The following CTNNA3 variants were observed in gnomAD, a reference collection of about 807,000 sequenced individuals.
CTNNA3 encodes catenin alpha-3.
Under a neutral mutation model 95.7 loss-of-function variants are expected in CTNNA3, and 76 were observed. The observed-to-expected ratio is 0.79, with a 90% CI of 0.66 to 0.96. The LOEUF is 0.96. Among genes scored for constraint, CTNNA3 ranks in the 40% least tolerant of loss-of-function variants. The probability of loss-of-function intolerance (pLI) is 0.00; values close to 1 mark genes in which losing one functional copy is unlikely to be tolerated. For missense variants in CTNNA3, 1,191 were observed against 1,089.8 expected (o/e 1.09, Z -1.31); for synonymous variants, 431 against 374.4 (o/e 1.15, Z -1.74).
In CTNNA3 at chr10:66,692,730, C is replaced by A. The variant is rs1045991269; in HGVS notation, c.1282-70946G>T. On this transcript the variant is annotated intron_variant, in intron 9 of 17. Transcript: ENST00000433211. ...CCAGAGAGAAAGGTCGGGTTACCCA[C>A]AAAGAGAAGACCATCAGACTAACAG... Among the ~76,000 whole-genome samples the A allele has an allele frequency of 5.3e-5, 8 of 152,074 alleles. No individual in the cohort carries two copies. The East Asian group carries it at 7.7e-4, about 15-fold the overall frequency.
At chr10:66,856,434 G>T (rs1353303629) in intron 7 of CTNNA3, among the ~76,000 whole-genome samples, 1 of 152,024 alleles carries the variant, frequency 6.6e-6, no homozygotes, top group Non-Finnish European at 1.5e-5. Context: ...AACCAATAAT[G>T]AGATTGTTGG....
At chr10:66,557,595 C>T (rs1299968666) in intron 10 of CTNNA3, among the ~76,000 whole-genome samples, 1 of 152,064 alleles carries the variant, frequency 6.6e-6, no homozygotes, top group East Asian at 1.9e-4. Context: ...ATTTTTGTTT[C>T]TCTCAATATC....
chr10:66,486,451 A>T (rs577721892), intron 11 of CTNNA3, among the ~76,000 whole-genome samples: 8 of 152,274 alleles, frequency 5.3e-5, no homozygotes, highest in Non-Finnish European at 8.8e-5. Flanking sequence ...AGAATGCTCA[A>T]CATCACTAAT....
At chr10:66,234,196 C>A (rs548109737) in intron 13 of CTNNA3, among the ~76,000 whole-genome samples, 1 of 152,130 alleles carries the variant, frequency 6.6e-6, no homozygotes, top group East Asian at 1.9e-4. Context: ...TATATAAAGT[C>A]ATTTATATTT....
intron 10 of CTNNA3, among the ~76,000 whole-genome samples, chr10:66,608,446 CTA>C (rs1162915552): frequency 6.6e-6 from 1 of 151,960 alleles, no homozygotes; most frequent in African/African-American, 2.4e-5. Flanking sequence ...ATAAAAAAAA[CTA>C]TTTTAAAATT....
chr10:66,448,689 AG>A (rs1002538351), intron 11 of CTNNA3, among the ~76,000 whole-genome samples: 13 of 113,064 alleles, frequency 1.1e-4, no homozygotes, highest in African/African-American at 3.7e-4. Context: ...GGGTGGGGGA[AG>A]GGGGGTGGGA....
intron 12 of CTNNA3, among the ~76,000 whole-genome samples, chr10:66,357,742 T>C (rs1321250765): frequency 6.6e-6 from 1 of 152,174 alleles, no homozygotes; most frequent in Non-Finnish European, 1.5e-5. Context: ...CTATTAATAA[T>C]GATGCTATAA....
At chr10:66,158,423 TTA>T (rs1361838939) in intron 13 of CTNNA3, among the ~76,000 whole-genome samples, 1 of 151,982 alleles carries the variant, frequency 6.6e-6, no homozygotes, top group Non-Finnish European at 1.5e-5. Flanking sequence ...TTTCCCCACT[TTA>T]TGTTTTTGTT....
intron 12 of CTNNA3, among the ~76,000 whole-genome samples, chr10:66,331,519 A>G (rs1021281338): frequency 1.3e-5 from 2 of 151,072 alleles, no homozygotes; most frequent in African/African-American, 4.9e-5. Flanking sequence ...ATGCCCGGCT[A>G]ATTTTTGTAT....
intron 7 of CTNNA3, among the ~76,000 whole-genome samples, chr10:66,943,177 G>T (rs1264147761): frequency 6.6e-6 from 1 of 152,148 alleles, no homozygotes; most frequent in East Asian, 1.9e-4. Context: ...TCTTTTTAAA[G>T]ACTTTGAAAA....
chr10:67,270,925 A>G (rs1838947756), intron 5 of CTNNA3, among the ~76,000 whole-genome samples: 2 of 152,164 alleles, frequency 1.3e-5, no homozygotes, highest in African/African-American at 4.8e-5. Context: ...ATTTGAACCT[A>G]TTTTCAAATG....
At chr10:66,164,427 T>C (rs1434658184) in intron 13 of CTNNA3, among the ~76,000 whole-genome samples, 2 of 152,174 alleles carry the variant, frequency 1.3e-5, no homozygotes, top group Admixed American at 6.5e-5. Flanking sequence ...CAAAGTGTCC[T>C]GTTCTCCTGG....
intron 7 of CTNNA3, among the ~76,000 whole-genome samples, chr10:66,802,511 A>G (rs1841469398): frequency 6.6e-6 from 1 of 151,870 alleles, no homozygotes; most frequent in African/African-American, 2.4e-5. Context: ...AAGGATGTGG[A>G]ACAATTTGGA....
intron 17 of CTNNA3, among the ~76,000 whole-genome samples, chr10:65,949,118 T>C (rs2077570250): frequency 1.3e-5 from 2 of 152,336 alleles, no homozygotes; most frequent in South Asian, 4.1e-4. Context: ...GCTTGTCTTT[T>C]CTTTCTGGCT....
intron 13 of CTNNA3, among the ~76,000 whole-genome samples, chr10:66,276,144 C>A (rs1279702055): frequency 6.6e-6 from 1 of 152,052 alleles, no homozygotes; most frequent in Non-Finnish European, 1.5e-5. Context: ...AAAATATGTT[C>A]CTATTCCCTG....
At chr10:66,414,754 C>T (rs542048245) in intron 11 of CTNNA3, among the ~76,000 whole-genome samples, 15 of 152,198 alleles carry the variant, frequency 9.9e-5, no homozygotes, top group Middle Eastern at 3.4e-3. Context: ...CACAAGTGAC[C>T]TTGGGCCACT....
At chr10:66,063,153 A>G (rs1402057963) in intron 15 of CTNNA3, among the ~76,000 whole-genome samples, 1 of 150,448 alleles carries the variant, frequency 6.6e-6, no homozygotes, top group Non-Finnish European at 1.5e-5. Flanking sequence ...CCTTCTTAGT[A>G]GTTTCAGTTC....
At chr10:66,427,469 A>G (rs369744161) in intron 11 of CTNNA3, among the ~76,000 whole-genome samples, 1 of 152,094 alleles carries the variant, frequency 6.6e-6, no homozygotes. Context: ...ACTTCAAACT[A>G]TACAGTAGGC....
chr10:67,641,431 T>C (rs1839529155), intron 2 of CTNNA3, among the ~76,000 whole-genome samples: 1 of 152,202 alleles, frequency 6.6e-6, no homozygotes, highest in Non-Finnish European at 1.5e-5. Flanking sequence ...ACTTCAACCA[T>C]TGTGGAGGTC....
Sources: allele counts gnomAD v4.1 joint callset (sites outside exome capture counted in the v4.1 genomes callset), GRCh38; gene constraint gnomAD v4.1.1; transcripts MANE v1.5; gene names NCBI Gene and HGNC (gene_info 2026-07-23, HGNC 2026-07-21).